The following PCGF5 variants were observed in gnomAD, a reference collection of about 807,000 sequenced individuals.
PCGF5 encodes the protein polycomb group RING finger protein 5.
PCGF5 carries 9 observed loss-of-function variants against 44.3 expected under a neutral mutation model. The ratio of observed to expected loss-of-function variants is 0.20; its 90% confidence interval spans 0.12 to 0.35. PCGF5 has a LOEUF of 0.35. Among genes scored for constraint, PCGF5 ranks in the 10% least tolerant of loss-of-function variants. The pLI, the probability that PCGF5 is intolerant of heterozygous loss-of-function variation, is 1.00. For synonymous variants in PCGF5, 95 were observed against 102.5 expected, an observed-to-expected ratio of 0.93 and a Z score of 0.44; for missense variants, 146 against 305.3, an observed-to-expected ratio of 0.48 and a Z score of 3.89.
intron 1 of PCGF5, among the ~76,000 whole-genome samples, chr10:91,211,779 G>GGATAGT (rs1203759845): frequency 6.6e-6 from 1 of 152,198 alleles, no homozygotes; most frequent in Admixed American, 6.5e-5. Context: ...TGTGTTCAAG[G>GGATAGT]GATAGTGAGA....
intron 3 of PCGF5, among the ~76,000 whole-genome samples, chr10:91,245,930 G>A (rs1219387053): frequency 6.6e-6 from 1 of 152,184 alleles, no homozygotes; most frequent in Non-Finnish European, 1.5e-5. Context: ...TTAAAGGCAT[G>A]TTTGTGTTGT....
upstream of PCGF5, chr10:91,162,991 G>A (rs1358861932): frequency 1.4e-5 from 2 of 145,008 alleles, no homozygotes; most frequent in African/African-American, 2.5e-5. Context: ...CCCCGCCGGC[G>A]CGGGCTCCCT....
chr10:91,164,289 A>C (rs897470283), intron 1 of PCGF5, among the ~76,000 whole-genome samples: 1 of 152,174 alleles, frequency 6.6e-6, no homozygotes, highest in Non-Finnish European at 1.5e-5. Context: ...GACTTAGTGC[A>C]AAAGGGCAGC....
intron 1 of PCGF5, among the ~76,000 whole-genome samples, chr10:91,197,324 CCTCT>C (rs1844153672): frequency 6.6e-6 from 1 of 152,106 alleles, no homozygotes; most frequent in Non-Finnish European, 1.5e-5. Flanking sequence ...CGGGCACGTC[CCTCT>C]CTCTATGTGA....
At chr10:91,191,478 T>C (rs561992177) in intron 1 of PCGF5, among the ~76,000 whole-genome samples, 1 of 152,328 alleles carries the variant, frequency 6.6e-6, no homozygotes, top group East Asian at 1.9e-4. Context: ...AACTTTCCAT[T>C]TAATATTTTT....
In PCGF5 at chr10:91,280,343, C is replaced by G. The variant is rs1047350454; in HGVS notation, c.*2027C>G. ...ACAAGTGAGACTTTGATGTTTTGGC[C>G]CCCCAGCCAAAACTTAATGGTCATA... On this transcript the variant is annotated 3_prime_UTR_variant, in exon 10 of 10. Transcript: ENST00000336126. 2.0e-5 allele frequency: 3 copies of G among 151,922 alleles called. No individual in the cohort carries two copies. The highest frequency in any genetic ancestry group is 7.3e-5 in the African/African-American group (3 of 41,368). The allele number at this position is 151,922 out of a possible 1,614,324, so 9.4% of individuals were successfully genotyped here.
intron 6 of PCGF5, among the ~76,000 whole-genome samples, chr10:91,258,358 T>C (rs1845809588): frequency 6.6e-6 from 1 of 152,172 alleles, no homozygotes; most frequent in Non-Finnish European, 1.5e-5. Flanking sequence ...AGTCTTCCAG[T>C]ACAGGTTGAG....
chr10:91,234,584 T>C (rs1845101024), intron 2 of PCGF5, among the ~76,000 whole-genome samples: 1 of 152,250 alleles, frequency 6.6e-6, no homozygotes. Context: ...ATCTGTTATT[T>C]ATGATTAGTG....
chr10:91,171,516 G>C (rs375531319), intron 1 of PCGF5, among the ~76,000 whole-genome samples: 29 of 152,288 alleles, frequency 1.9e-4, no homozygotes, highest in African/African-American at 6.5e-4. Context: ...CTCCAGCAAT[G>C]CTCAGAAAAT....
chr10:91,278,386 T>C lies in PCGF5; in HGVS notation c.*70T>C. 3 of 1,367,050 alleles carry C rather than the reference T, an allele frequency of 2.2e-6. No individual in the cohort carries two copies. Among genetic ancestry groups the C allele is most frequent in the Non-Finnish European group, 2.1e-6 (2 of 956,062 alleles). 84.7% of individuals were successfully genotyped at this position (1,367,050 alleles called of 1,614,324 possible). On this transcript the variant is annotated 3_prime_UTR_variant, in exon 10 of 10. Coordinates refer to ENST00000336126, the MANE Select transcript of PCGF5 (RefSeq NM_032373.5). Reference sequence around the variant, plus strand: ...TTTACTCGTCAACAGATTGCACAGTTAACGGTGTGTGGACTAGAGGAACAC... The same window carrying C: ...TTTACTCGTCAACAGATTGCACAGTCAACGGTGTGTGGACTAGAGGAACAC...
intron 1 of PCGF5, among the ~76,000 whole-genome samples, chr10:91,167,050 A>G (rs1262310642): frequency 1.3e-5 from 2 of 152,220 alleles, no homozygotes; most frequent in Non-Finnish European, 2.9e-5. Flanking sequence ...CAATAAAGAA[A>G]TATACAGTTC....
intron 8 of PCGF5, among the ~76,000 whole-genome samples, chr10:91,265,058 A>T (rs1397434861): frequency 6.6e-6 from 1 of 152,168 alleles, no homozygotes; most frequent in Non-Finnish European, 1.5e-5. Flanking sequence ...GGCCCTAAGC[A>T]TATGGGAGAA....
At chr10:91,202,155 A>G (rs1028144938) in intron 1 of PCGF5, among the ~76,000 whole-genome samples, 6 of 152,312 alleles carry the variant, frequency 3.9e-5, no homozygotes, top group African/African-American at 1.4e-4. Flanking sequence ...TTATATGTTC[A>G]CTGCTTAGAA....
At chr10:91,216,879 G>A (rs910532099), upstream of PCGF5, among the ~76,000 whole-genome samples, 7 of 152,152 alleles carry the variant, frequency 4.6e-5, no homozygotes, top group Admixed American at 4.6e-4. Context: ...ATAAATATAT[G>A]TGGGCCTTAT....
intron 3 of PCGF5, among the ~76,000 whole-genome samples, chr10:91,246,568 T>G (rs1191502613): frequency 6.6e-6 from 1 of 152,126 alleles, no homozygotes; most frequent in African/African-American, 2.4e-5. Context: ...TTAGGAAGAT[T>G]GATTATGAAC....
intron 1 of PCGF5, among the ~76,000 whole-genome samples, chr10:91,163,706 C>A (rs1346631843): frequency 6.6e-6 from 1 of 152,056 alleles, no homozygotes. Context: ...AAGGGGCGAG[C>A]GAGAGGCGCG....
chr10:91,240,305 CTT>C (rs1365497314), intron 2 of PCGF5, among the ~76,000 whole-genome samples, 177 bp from the exon 3 acceptor site: 3 of 152,066 alleles, frequency 2.0e-5, no homozygotes, highest in Non-Finnish European at 2.9e-5. Flanking sequence ...TGGCAGTAGA[CTT>C]TTATTGCAGT....
rs1464897554 is a variant in PCGF5 at position 91,260,325 on chromosome 10, G to A, written c.475-1001G>A. On this transcript the variant is annotated intron_variant, in intron 6 of 9. Coordinates refer to ENST00000336126, the MANE Select transcript of PCGF5 (RefSeq NM_032373.5). ...TCAGGAAACAACAGGTGCTGGAGAG[G>A]ATGTGAAGAAATAGGAACACTTTTA... 5.9e-5 allele frequency among the ~76,000 whole-genome samples: 9 copies of A among 152,290 alleles called. No homozygotes were observed. In the East Asian group the frequency reaches 1.7e-3, roughly 29 times the overall value.
chr10:91,186,612 A>ACG (rs397799717), intron 1 of PCGF5, among the ~76,000 whole-genome samples: 1 of 151,260 alleles, frequency 6.6e-6, no homozygotes, highest in Non-Finnish European at 1.5e-5. Context: ...ATATACACAC[A>ACG]TATATATGTA....
Sources: gnomAD v4.1 joint callset for allele counts (sites outside exome capture counted in the v4.1 genomes callset) on GRCh38, gnomAD v4.1.1 for gene constraint, MANE v1.5 for transcripts, NCBI Gene and HGNC (gene_info 2026-07-23, HGNC 2026-07-21) for gene names.